The following C3orf70 variants were observed in gnomAD, a reference collection of about 807,000 sequenced individuals.
The protein encoded by C3orf70 is chromosome 3 open reading frame 70, also known as UPF0524 protein C3orf70.
C3orf70 carries 15 observed loss-of-function variants against 20.7 expected under a neutral mutation model. That is an observed-to-expected ratio of 0.72 (90% CI 0.48 to 1.11). The LOEUF (loss-of-function observed/expected upper bound fraction) is 1.11. Ranked by LOEUF, C3orf70 falls within the 50% of genes most tolerant of loss-of-function variation. C3orf70 has a pLI of 0.00. For synonymous variants in C3orf70, 161 were observed against 125.7 expected, an observed-to-expected ratio of 1.28 and a Z score of -1.88; for missense variants, 332 against 317.6, an observed-to-expected ratio of 1.05 and a Z score of -0.34.
intron 1 of C3orf70, among the ~76,000 whole-genome samples, chr3:185,102,158 A>G (rs1715835735): frequency 6.6e-6 from 1 of 152,202 alleles, no homozygotes; most frequent in Admixed American, 6.5e-5. Context: ...ACGATCCTAT[A>G]TCTAGAAAAC....
chr3:185,109,356 C>T (rs1425373054), intron 1 of C3orf70, among the ~76,000 whole-genome samples: 1 of 152,124 alleles, frequency 6.6e-6, no homozygotes, highest in African/African-American at 2.4e-5. Flanking sequence ...TTCTCCAGGT[C>T]AAAATCAACA....
chr3:185,136,792 ATCC>A (rs71632051), intron 1 of C3orf70, among the ~76,000 whole-genome samples: 70,474 of 150,928 alleles, frequency 0.47, 17,059 homozygotes, highest in Non-Finnish European at 0.56. Context: ...CACGCCTGTA[ATCC>A]TGGCTACTCA....
At chr3:185,128,255 GTGGT>G (rs1385722752) in intron 1 of C3orf70, among the ~76,000 whole-genome samples, 1 of 152,136 alleles carries the variant, frequency 6.6e-6, no homozygotes, top group Non-Finnish European at 1.5e-5. Flanking sequence ...TCGGCCAGGT[GTGGT>G]GGCTCATGCC....
In C3orf70 at chr3:185,081,519, G is replaced by A. The variant is rs1212204601; in HGVS notation, c.*1488C>T. 2.0e-5 allele frequency: 3 copies of A among 152,182 alleles called. No homozygotes were observed. The highest frequency in any genetic ancestry group is 1.3e-4 in the Admixed American group (2 of 15,274). The allele number at this position is 152,182 out of a possible 1,614,324, so 9.4% of individuals were successfully genotyped here. On this transcript the variant is annotated 3_prime_UTR_variant, in exon 2 of 2. Coordinates refer to ENST00000335012, the MANE Select transcript of C3orf70 (RefSeq NM_001025266.3). ...TGAGAGTGCGCTTCTGGATAGTTAG[G>A]ATGGAAGTACTGTTCTGTCTCCAAC...
chr3:185,118,030 A>T (rs1308957465), intron 1 of C3orf70, among the ~76,000 whole-genome samples: 1 of 152,102 alleles, frequency 6.6e-6, no homozygotes, highest in African/African-American at 2.4e-5. Flanking sequence ...TCACAACTAT[A>T]GTTTTTACAA....
chr3:185,083,576 A>C lies in C3orf70; in HGVS notation c.197-13T>G, dbSNP rs1211446467. 1 of 1,552,376 alleles carries C rather than the reference A, an allele frequency of 6.4e-7. No individual in the cohort carries two copies. The highest frequency in any genetic ancestry group is 1.2e-5 in the South Asian group (1 of 80,892). On this transcript the variant is annotated splice_polypyrimidine_tract_variant and intron_variant, in intron 1 of 1. Coordinates refer to ENST00000335012, the MANE Select transcript of C3orf70 (RefSeq NM_001025266.3). ...TACATGTATTTGCCTGTGAAGACAC[A>C]AAAAGACACTTGAAATCTATATTAC... is the stretch of plus-strand genomic sequence containing the variant.
chr3:185,085,237 C>T (rs1252272633), intron 1 of C3orf70, among the ~76,000 whole-genome samples: 1 of 152,186 alleles, frequency 6.6e-6, no homozygotes, highest in Non-Finnish European at 1.5e-5. Flanking sequence ...ACAGGAATCA[C>T]ATTTGTAAGG....
At chr3:185,116,643 ACCACTG>A (rs1326218938) in intron 1 of C3orf70, among the ~76,000 whole-genome samples, 1 of 152,210 alleles carries the variant, frequency 6.6e-6, no homozygotes, top group Non-Finnish European at 1.5e-5. Context: ...ACTGTTGAGA[ACCACTG>A]CCTTAATTTG....
intron 1 of C3orf70, among the ~76,000 whole-genome samples, chr3:185,142,487 A>T (rs1269072981): frequency 6.6e-6 from 1 of 152,214 alleles, no homozygotes; most frequent in Non-Finnish European, 1.5e-5. Context: ...GTACAGTTAG[A>T]GAACCTCTTC....
At chr3:185,111,828 C>A (rs1172270140) in intron 1 of C3orf70, among the ~76,000 whole-genome samples, 2 of 152,048 alleles carry the variant, frequency 1.3e-5, no homozygotes, top group African/African-American at 4.8e-5. Flanking sequence ...TTTAAAGGAA[C>A]AAGATAAATA....
At chr3:185,102,276 C>G (rs1297245554) in intron 1 of C3orf70, among the ~76,000 whole-genome samples, 2 of 152,282 alleles carry the variant, frequency 1.3e-5, no homozygotes, top group Middle Eastern at 3.4e-3. Context: ...ATACCAAAAA[C>G]AGGCCAACAG....
chr3:185,122,248 T>C (rs1716318089), intron 1 of C3orf70, among the ~76,000 whole-genome samples: 1 of 152,020 alleles, frequency 6.6e-6, no homozygotes, highest in African/African-American at 2.4e-5. Context: ...TACATAATGG[T>C]AAAGGGTCAA....
chr3:185,126,746 G>A (rs1716419457), intron 1 of C3orf70, among the ~76,000 whole-genome samples: 2 of 152,142 alleles, frequency 1.3e-5, no homozygotes, highest in Admixed American at 1.3e-4. Flanking sequence ...AAACGAAAAT[G>A]CTGGCCCCTT....
chr3:185,142,663 T>C (rs1716780759), intron 1 of C3orf70, among the ~76,000 whole-genome samples: 1 of 151,952 alleles, frequency 6.6e-6, no homozygotes, highest in Non-Finnish European at 1.5e-5. Flanking sequence ...CATCAAAGTA[T>C]CACCCCACAG....
chr3:185,129,965 T>C (rs570160335), intron 1 of C3orf70, among the ~76,000 whole-genome samples: 12 of 152,318 alleles, frequency 7.9e-5, no homozygotes, highest in African/African-American at 2.4e-4. Context: ...ATTCTCAAAA[T>C]AAGCAACTAA....
intron 1 of C3orf70, among the ~76,000 whole-genome samples, chr3:185,090,581 C>T (rs1247278763): frequency 6.6e-6 from 1 of 152,088 alleles, no homozygotes; most frequent in East Asian, 1.9e-4. Context: ...AAATTGCATG[C>T]ACAGTTCAGT....
At chr3:185,105,680 G>T (rs1715918703) in intron 1 of C3orf70, among the ~76,000 whole-genome samples, 1 of 152,176 alleles carries the variant, frequency 6.6e-6, no homozygotes. Context: ...AGTGCCGCTG[G>T]GTTAGGGTCT....
rs188270008 is a variant in C3orf70 at position 185,106,137 on chromosome 3, G to A, written c.197-22574C>T. ...TGTTCGAGCAGCGCCTCGAGCAACCGCTCTAAGTTTTATTCAGGCAGGAAT... is the reference window on the plus strand; with the variant it reads ...TGTTCGAGCAGCGCCTCGAGCAACCACTCTAAGTTTTATTCAGGCAGGAAT... On this transcript the variant is annotated intron_variant, in intron 1 of 1. Coordinates refer to ENST00000335012, the MANE Select transcript of C3orf70 (RefSeq NM_001025266.3). Among the ~76,000 whole-genome samples the A allele has an allele frequency of 7.2e-5, 11 of 152,220 alleles. 1 individual carries two copies. Among genetic ancestry groups the A allele is most frequent in the South Asian group, 6.2e-4 (3 of 4,818 alleles).
Position 185,078,358 on chromosome 3 carries a change from C to T in C3orf70, c.*4649G>A, listed in dbSNP as rs1348893394. 2.0e-5 allele frequency: 3 copies of T among 152,366 alleles called. No homozygotes were observed. Among genetic ancestry groups the T allele is most frequent in the Non-Finnish European group, 2.9e-5 (2 of 68,036 alleles). The allele number at this position is 152,366 out of a possible 1,614,324, so 9.4% of individuals were successfully genotyped here. A position where few individuals can be genotyped will look rare whatever the true frequency, so the allele number is the denominator to read the frequency against. On this transcript the variant is annotated 3_prime_UTR_variant, in exon 2 of 2. Coordinates refer to ENST00000335012, the MANE Select transcript of C3orf70 (RefSeq NM_001025266.3). ...GGCTACTAAGAGAACACTGCTTCAA[C>T]CTTAATCGAAAAAAGAAGTCATAGC...
Sources: allele counts gnomAD v4.1 joint callset (sites outside exome capture counted in the v4.1 genomes callset), GRCh38; gene constraint gnomAD v4.1.1; transcripts MANE v1.5; gene names NCBI Gene and HGNC (gene_info 2026-07-23, HGNC 2026-07-21).